The following POLRMT variants were observed in gnomAD, a reference collection of about 807,000 sequenced individuals.
POLRMT encodes the protein RNA polymerase mitochondrial.
POLRMT carries 114 observed loss-of-function variants against 132.2 expected under a neutral mutation model. The ratio of observed to expected loss-of-function variants is 0.86; its 90% CI spans 0.74 to 1.01. The LOEUF is 1.01. Among genes scored for constraint, POLRMT ranks in the 50% least tolerant of loss-of-function variants. The probability of loss-of-function intolerance (pLI) is 0.00; values close to 1 mark genes in which losing one functional copy is unlikely to be tolerated. For synonymous variants in POLRMT, 1,020 were observed against 773.4 expected, an observed-to-expected ratio of 1.32 and a Z score of -5.29; for missense variants, 2,003 against 1,729.1, an observed-to-expected ratio of 1.16 and a Z score of -2.81.
chr19:617,322 C>A lies in POLRMT; in HGVS notation c.3645G>T (p.Gly1215=). ...GCTTCACCTGCTCCAGGTCGAAGGC[C>A]CCTGCGGAGGAAGCAGAGCGGACGG... The part of the protein sequence containing the change: ...KETLQAVPKP[G]AFDLEQVKRS... The change falls in exon 21 of 21, where the codon GGG becomes GGT. Residue 1215 remains glycine (G), a splice_region_variant and synonymous_variant. Transcript: ENST00000588649. 1 of 1,612,870 alleles carries A rather than the reference C, an allele frequency of 6.2e-7. No homozygotes were observed.
Position 621,603 on chromosome 19 carries a change from G to C in POLRMT, c.2095C>G (p.Leu699Val), listed in dbSNP as rs376907483. The C allele has an allele frequency of 6.3e-4, 946 of 1,502,958 alleles. No homozygotes were observed. Among genetic ancestry groups the C allele is most frequent in the Non-Finnish European group, 7.9e-4 (889 of 1,128,626 alleles). 93.1% of individuals were successfully genotyped at this position (1,502,958 alleles called of 1,614,324 possible). ...CAGGCGCAGTTGCCCAGTTGGGTGA[G>C]GGCGTCCAGTGCGCCATGCAGCGCG... ...PTALHGALDA[L>V]TQLGNCAWRV... The change falls in exon 10 of 21, where the codon CTC (leucine) becomes GTC (valine). Residue 699 changes from leucine to valine, a missense_variant. Coordinates refer to ENST00000588649, the MANE Select transcript of POLRMT (RefSeq NM_005035.4).
intron 2 of POLRMT, among the ~76,000 whole-genome samples, chr19:630,747 C>G (rs1235798572): frequency 6.6e-6 from 1 of 152,198 alleles, no homozygotes; most frequent in Non-Finnish European, 1.5e-5. Context: ...CACCGGTGGA[C>G]GCTGAGCCAC....
chr19:623,317 G>C (rs777701755), intron 6 of POLRMT, 137 bp downstream of exon 6: 1 of 1,417,306 alleles, frequency 7.1e-7, no homozygotes, highest in Non-Finnish European at 9.4e-7. Context: ...CATACACGGA[G>C]CTCAGCCCCT....
chr19:617,774 C>T lies in POLRMT; in HGVS notation c.3495+3G>A, dbSNP rs765557938. ...TGGACTGAGGCTCAGACTACGGGGGCACCTGGTTCATGACGGAGACATCAG... is the reference window on the plus strand; with the variant it reads ...TGGACTGAGGCTCAGACTACGGGGGTACCTGGTTCATGACGGAGACATCAG... On this transcript the variant is annotated splice_donor_region_variant and intron_variant, in intron 18 of 20. Transcript: ENST00000588649. The T allele has an allele frequency of 6.2e-7, 1 of 1,613,214 alleles. No homozygotes were observed. Among genetic ancestry groups the T allele is most frequent in the Admixed American group, 1.7e-5 (1 of 60,012 alleles).
At position 621,211 on chromosome 19, in the gene POLRMT, C is replaced by T; in HGVS notation, c.2487G>A (p.Gln829=). 6.2e-7 allele frequency: 1 copy of T among 1,610,176 alleles called. No individual in the cohort carries two copies. The highest frequency in any genetic ancestry group is 8.5e-7 in the Non-Finnish European group (1 of 1,178,404). The change falls in exon 10 of 21, where the codon CAG becomes CAA. Residue 829 remains glutamine (Q), a synonymous_variant. Transcript: ENST00000588649. The stretch of plus-strand genomic sequence containing the variant: ...GGCCGTGCGGGCCGAGCGGGCGGCC[C>T]TGGGCGAACTCCAGCAGGGCCCGCG... The part of the protein sequence containing the change: ...DVARALLEFA[Q]GRPLGPHGLD...
rs766609561 is a variant in POLRMT, at chr19:630,000, C to T, written c.362G>A (p.Arg121His). The T allele has an allele frequency of 5.6e-6, 9 of 1,613,682 alleles. No individual in the cohort carries two copies. The highest frequency in any genetic ancestry group is 3.3e-5 in the Admixed American group (2 of 60,008). ...AKDATPVPCG[R>H]WAKILEKDKR... ...ATCCTTCTCCAGTATCTTTGCCCAG[C>T]GGCCACAGGGCACCGGGGTGGCATC... The change falls in exon 3 of 21, where the codon CGC becomes CAC. Residue 121 changes from arginine (R) to histidine (H), a missense_variant. By Grantham distance (29) the Arg-to-His change is conservative. Coordinates refer to ENST00000588649, the MANE Select transcript of POLRMT (RefSeq NM_005035.4).
rs57880842 is a variant in POLRMT at position 633,529 on chromosome 19, G to GGCGGCGCCGCCGCCGCCGCCGCC, written c.-18_-17insGGCGGCGGCGGCGGCGGCGCCGC. ...TGCCGACATTACGCACGCCGCTCCA[G>GGCGGCGCCGCCGCCGCCGCCGCC]GCCACCCCACCGGCCCGCGCCTGCG... On this transcript the variant is annotated 5_prime_UTR_variant, in exon 1 of 21. Coordinates refer to ENST00000588649, the MANE Select transcript of POLRMT (RefSeq NM_005035.4). 52 of 1,463,904 alleles carry GGCGGCGCCGCCGCCGCCGCCGCC rather than the reference G, an allele frequency of 3.6e-5. No homozygotes were observed. The Middle Eastern group carries it at 7.4e-4, about 21-fold the overall frequency. 90.7% of individuals were successfully genotyped at this position (1,463,904 alleles called of 1,614,324 possible). A position where few individuals can be genotyped will look rare whatever the true frequency, so the allele number is the denominator to read the frequency against.
At position 632,945 on chromosome 19, in the gene POLRMT, G is replaced by A. The variant is rs1306576371; in HGVS notation, c.89-7C>T. 4.7e-6 allele frequency: 7 copies of A among 1,496,322 alleles called. No individual in the cohort carries two copies. The highest frequency in any genetic ancestry group is 3.7e-5 in the South Asian group (3 of 80,242). The allele number at this position is 1,496,322 out of a possible 1,614,324, so 92.7% of individuals were successfully genotyped here. ...CAGACGCCACCGGCGGTCCCTGCGG[G>A]AAAGACGAGAGCGGCTGAGCGGGGC... is the stretch of plus-strand genomic sequence containing the variant. On this transcript the variant is annotated splice_region_variant and splice_polypyrimidine_tract_variant and intron_variant, in intron 1 of 20. Transcript: ENST00000588649.
chr19:631,599 A>G (rs1985422597), intron 2 of POLRMT, among the ~76,000 whole-genome samples: 1 of 152,030 alleles, frequency 6.6e-6, no homozygotes, highest in African/African-American at 2.4e-5. Flanking sequence ...AGATCGCACC[A>G]TTGCACTCCA....
Position 625,271 on chromosome 19 carries a change from G to C in POLRMT, c.823-17C>G, listed in dbSNP as rs1399403070. The C allele has an allele frequency of 1.9e-6, 3 of 1,613,298 alleles. No homozygotes were observed. Among genetic ancestry groups the C allele is most frequent in the Non-Finnish European group, 8.5e-7 (1 of 1,179,728 alleles). ...GAAGGCACCCTGGGAGACCAAGCCA[G>C]GGTGAGGGTCTGGGGGGATGGCCCA... On this transcript the variant is annotated splice_polypyrimidine_tract_variant and intron_variant, in intron 3 of 20. Transcript: ENST00000588649.
rs970593954 is a variant in POLRMT at position 621,417 on chromosome 19, C to T, written c.2281G>A (p.Glu761Lys). The T allele has an allele frequency of 6.6e-7, 1 of 1,504,128 alleles. No individual in the cohort carries two copies. Among genetic ancestry groups the T allele is most frequent in the African/African-American group, 1.4e-5 (1 of 70,054 alleles). 93.2% of individuals were successfully genotyped at this position (1,504,128 alleles called of 1,614,324 possible). ...GCCACCTTCTGGCAGTGCGCCAGCT[C>T]ACGGCGCAGCTCGGCCTTGCGGGCG... ...APARKAELRR[E>K]LAHCQKVARE... The change falls in exon 10 of 21, where the codon GAG becomes AAG. Residue 761 changes from glutamate to lysine, a missense_variant. By Grantham distance (56) the Glu-to-Lys change is moderately conservative. Transcript: ENST00000588649.
In POLRMT at chr19:621,697, G is replaced by A. The variant is rs1272263249; in HGVS notation, c.2001C>T (p.Pro667=). 8 of 1,585,420 alleles carry A rather than the reference G, an allele frequency of 5.0e-6. No individual in the cohort carries two copies. Among genetic ancestry groups the A allele is most frequent in the Non-Finnish European group, 6.0e-6 (7 of 1,169,130 alleles). The change falls in exon 10 of 21, where the codon CCC becomes CCT. Residue 667 remains proline (P), a synonymous_variant. Transcript: ENST00000588649. ...SPHSGAFLLS[P]TKLMRTVEGA... Reference sequence around the variant, plus strand: ...CTTCCACCGTGCGCATCAGCTTGGTGGGGCTGAGCAGGAAAGCACCAGAGT... The same window carrying A: ...CTTCCACCGTGCGCATCAGCTTGGTAGGGCTGAGCAGGAAAGCACCAGAGT...
chr19:622,024 C>A, intron 9 of POLRMT, 125 bp downstream of exon 9: 2 of 1,168,732 alleles, frequency 1.7e-6, no homozygotes, highest in South Asian at 1.6e-5. Context: ...CATGGTGTGT[C>A]CCGAGTCCTG....
At position 619,400 on chromosome 19, in the gene POLRMT, AG is replaced by A. The variant is rs111948168; in HGVS notation, c.3067-105del. ...TGAGGCCCAAGGCCTAGGGCCTAGCAGGGGGGCAGGGGAATGGGGCCTGGCG... is the reference window on the plus strand; with the variant it reads ...TGAGGCCCAAGGCCTAGGGCCTAGCAGGGGGCAGGGGAATGGGGCCTGGCG... On this transcript the variant is annotated intron_variant, in intron 13 of 20. Transcript: ENST00000588649. The A allele has an allele frequency of 7.3e-3, 10,261 of 1,408,040 alleles. 56 individuals carry two copies. Among genetic ancestry groups the A allele is most frequent in the Middle Eastern group, 0.016 (65 of 4,008 alleles). 87.2% of individuals were successfully genotyped at this position (1,408,040 alleles called of 1,614,324 possible).
At chr19:619,913 T>G (rs2074548) in intron 12 of POLRMT, 45 bp downstream of exon 12, 1 of 1,597,172 alleles carries the variant, frequency 6.3e-7, no homozygotes. Flanking sequence ...AGGGCTCACA[T>G]TGCCCCCACG....
At chr19:625,287 G>A in intron 3 of POLRMT, 33 bp from the exon 4 acceptor site, 1 of 1,611,094 alleles carries the variant, frequency 6.2e-7, no homozygotes, top group Non-Finnish European at 8.5e-7. Context: ...GGGTCTGGGG[G>A]GATGGCCCAA....
intron 13 of POLRMT, 110 bp from the exon 14 acceptor site, chr19:619,406 GC>G (rs1247585192): frequency 7.2e-7 from 1 of 1,396,554 alleles, no homozygotes; most frequent in East Asian, 2.3e-5. Flanking sequence ...TAGCAGGGGG[GC>G]AGGGGAATGG....
chr19:622,036 G>A lies in POLRMT; in HGVS notation c.1851+113C>T, dbSNP rs531902023. The A allele has an allele frequency of 4.5e-5, 53 of 1,189,910 alleles. No individual in the cohort carries two copies. In the East Asian group the frequency reaches 8.5e-4, roughly 19 times the overall value. 73.7% of individuals were successfully genotyped at this position (1,189,910 alleles called of 1,614,324 possible). A position where few individuals can be genotyped will look rare whatever the true frequency, so the allele number is the denominator to read the frequency against. ...ACCCATGGTGTGTCCCGAGTCCTGG[G>A]AGGTACTGACGGCTGCGCTGAGATC... On this transcript the variant is annotated intron_variant, in intron 9 of 20. Transcript: ENST00000588649.
At chr19:628,270 C>T (rs1985163895) in intron 3 of POLRMT, among the ~76,000 whole-genome samples, 1 of 152,206 alleles carries the variant, frequency 6.6e-6, no homozygotes, top group Admixed American at 6.5e-5. Flanking sequence ...CCCAAAAGCG[C>T]CCTGTTACAG....
Sources: gnomAD v4.1 joint callset for allele counts (sites outside exome capture counted in the v4.1 genomes callset) on GRCh38, gnomAD v4.1.1 for gene constraint, MANE v1.5 for transcripts, NCBI Gene and HGNC (gene_info 2026-07-23, HGNC 2026-07-21) for gene names.